Variants in ZFPM2 observed in about 807,000 individuals in gnomAD.
The protein encoded by ZFPM2 is zinc finger protein ZFPM2.
A neutral mutation model predicts 98.6 loss-of-function variants in ZFPM2; 20 were observed. The ratio of observed to expected loss-of-function variants is 0.20; its 90% CI spans 0.14 to 0.29. The LOEUF is 0.29. Among genes scored for constraint, ZFPM2 ranks in the 10% least tolerant of loss-of-function variants. ZFPM2 has a pLI of 1.00. For synonymous variants in ZFPM2, 518 were observed against 502.7 expected, an observed-to-expected ratio of 1.03 and a Z score of -0.41; for missense variants, 1,310 against 1,388.6, an observed-to-expected ratio of 0.94 and a Z score of 0.90.
At chr8:105,717,191 T>C (rs1811545353) in intron 5 of ZFPM2, among the ~76,000 whole-genome samples, 1 of 152,046 alleles carries the variant, frequency 6.6e-6, no homozygotes, top group Non-Finnish European at 1.5e-5. Context: ...TGGGATCATA[T>C]TAACCAAAAT....
intron 5 of ZFPM2, among the ~76,000 whole-genome samples, chr8:105,715,914 A>C (rs1811514098): frequency 1.3e-5 from 2 of 151,992 alleles, no homozygotes; most frequent in Non-Finnish European, 2.9e-5. Flanking sequence ...ATTCATACGG[A>C]GTGTCTAATA....
At chr8:105,415,794 T>C (rs11988529) in intron 1 of ZFPM2, among the ~76,000 whole-genome samples, 52,321 of 151,990 alleles carry the variant, frequency 0.34, 11,314 homozygotes, top group African/African-American at 0.62. Context: ...GATTTGATGG[T>C]GTAGCTAAAG....
intron 1 of ZFPM2, among the ~76,000 whole-genome samples, chr8:105,390,148 A>G (rs527957374): frequency 1.6e-4 from 25 of 152,130 alleles, no homozygotes; most frequent in Non-Finnish European, 2.6e-4. Flanking sequence ...GGTTGAGGCA[A>G]AGACCCCAGT....
At chr8:105,595,748 G>A (rs116146170) in intron 4 of ZFPM2, among the ~76,000 whole-genome samples, 81 of 152,062 alleles carry the variant, frequency 5.3e-4, no homozygotes, top group Middle Eastern at 6.8e-3. Context: ...ATTAAATATC[G>A]TGAATTTTTT....
chr8:105,709,120 A>G (rs1306520375), intron 5 of ZFPM2, among the ~76,000 whole-genome samples: 2 of 152,174 alleles, frequency 1.3e-5, no homozygotes, highest in Non-Finnish European at 2.9e-5. Flanking sequence ...GTGCCTTTTG[A>G]TAGTGTGTAT....
At chr8:105,613,784 C>T (rs754804608) in intron 4 of ZFPM2, among the ~76,000 whole-genome samples, 3 of 151,880 alleles carry the variant, frequency 2.0e-5, no homozygotes, top group South Asian at 2.1e-4. Flanking sequence ...AAAATAGTAC[C>T]GTGAGAAAAG....
At chr8:105,528,656 T>C (rs1004696954) in intron 3 of ZFPM2, among the ~76,000 whole-genome samples, 1 of 152,170 alleles carries the variant, frequency 6.6e-6, no homozygotes, top group African/African-American at 2.4e-5. Flanking sequence ...CAAGTATTCA[T>C]GCAACATAGT....
At chr8:105,505,515 C>A (rs1186444353) in intron 3 of ZFPM2, among the ~76,000 whole-genome samples, 1 of 152,038 alleles carries the variant, frequency 6.6e-6, no homozygotes, top group East Asian at 1.9e-4. Flanking sequence ...AAAATAGCTC[C>A]CAAAGCAGCA....
chr8:105,327,227 T>C (rs1207096195), intron 1 of ZFPM2, among the ~76,000 whole-genome samples: 1 of 151,660 alleles, frequency 6.6e-6, no homozygotes, highest in African/African-American at 2.4e-5. Context: ...TCTACATAGA[T>C]TTTTTCAGTA....
chr8:105,783,222 T>G (rs554725348), intron 5 of ZFPM2, among the ~76,000 whole-genome samples: 3 of 148,574 alleles, frequency 2.0e-5, no homozygotes, highest in East Asian at 2.0e-4. Context: ...TTTTTTTTTT[T>G]TTTTTTTTTT....
At chr8:105,670,231 T>C (rs1817564366) in intron 5 of ZFPM2, among the ~76,000 whole-genome samples, 2 of 152,118 alleles carry the variant, frequency 1.3e-5, no homozygotes, top group Non-Finnish European at 2.9e-5. Context: ...GCACAGTGGC[T>C]GAAGCCTGTA....
chr8:105,794,167 C>T (rs1724029112), intron 6 of ZFPM2, among the ~76,000 whole-genome samples: 1 of 152,084 alleles, frequency 6.6e-6, no homozygotes, highest in African/African-American at 2.4e-5. Flanking sequence ...TTAGAGTTTC[C>T]AGTTTTTCTG....
chr8:105,616,396 A>G (rs1334414800), intron 4 of ZFPM2, among the ~76,000 whole-genome samples: 1 of 152,128 alleles, frequency 6.6e-6, no homozygotes, highest in African/African-American at 2.4e-5. Flanking sequence ...GGAACAATCT[A>G]TTTACTAGAT....
intron 1 of ZFPM2, among the ~76,000 whole-genome samples, chr8:105,327,924 G>A (rs1207070645): frequency 6.6e-6 from 1 of 151,694 alleles, no homozygotes. Context: ...AAATGCCATG[G>A]ACTGGTAAGC....
chr8:105,777,920 GTATTA>G (rs1813143538), intron 5 of ZFPM2, among the ~76,000 whole-genome samples: 1 of 152,152 alleles, frequency 6.6e-6, no homozygotes, highest in African/African-American at 2.4e-5. Flanking sequence ...CCTTTTGATT[GTATTA>G]ATGAAGCAGC....
intron 5 of ZFPM2, among the ~76,000 whole-genome samples, chr8:105,735,145 A>G (rs1812039000): frequency 6.7e-6 from 1 of 148,474 alleles, no homozygotes; most frequent in African/African-American, 2.4e-5. Context: ...CATCTATAAT[A>G]TAGACATAGA....
intron 1 of ZFPM2, among the ~76,000 whole-genome samples, chr8:105,382,387 T>G (rs1042937116): frequency 1.3e-5 from 2 of 152,132 alleles, no homozygotes; most frequent in African/African-American, 4.8e-5. Context: ...ATATGATGTT[T>G]TATTGTATTT....
At chr8:105,489,052 C>G (rs1813295469) in intron 3 of ZFPM2, among the ~76,000 whole-genome samples, 1 of 152,116 alleles carries the variant, frequency 6.6e-6, no homozygotes, top group African/African-American at 2.4e-5. Flanking sequence ...ATAAGTTAAT[C>G]TGAATTGATG....
rs561681422 is a variant in ZFPM2 at position 105,576,735 on chromosome 8, A to G, written c.420+15254A>G. Reference sequence around the variant, plus strand: ...TTTATATGGCCATTTATGTATTTTTATATGGTCATTTATTTTCACTTGAAG... The same window carrying G: ...TTTATATGGCCATTTATGTATTTTTGTATGGTCATTTATTTTCACTTGAAG... On this transcript the variant is annotated intron_variant, in intron 4 of 7. Coordinates refer to ENST00000407775, the MANE Select transcript of ZFPM2 (RefSeq NM_012082.4). Among the ~76,000 whole-genome samples the G allele has an allele frequency of 3.3e-5, 5 of 152,192 alleles. No individual in the cohort carries two copies. The South Asian group carries it at 1.0e-3, about 32-fold the overall frequency.
Sources: allele counts gnomAD v4.1 joint callset (sites outside exome capture counted in the v4.1 genomes callset), GRCh38; gene constraint gnomAD v4.1.1; transcripts MANE v1.5; gene names NCBI Gene and HGNC (gene_info 2026-07-23, HGNC 2026-07-21).